DNAJC10: variants seen among roughly 807,000 people sequenced by gnomAD.
DNAJC10 encodes the protein endoplasmic reticulum disulfide reductase DNAJC10.
A neutral mutation model predicts 115.0 loss-of-function variants in DNAJC10; 101 were observed. That is an observed-to-expected ratio of 0.88 (90% CI 0.75 to 1.04). The LOEUF (loss-of-function observed/expected upper bound fraction) is 1.04, where lower values mean the gene tolerates loss of function less well. Among genes scored for constraint, DNAJC10 ranks in the 50% least tolerant of loss-of-function variants. DNAJC10 has a pLI of 0.00. For synonymous variants in DNAJC10, 307 were observed against 301.5 expected, an observed-to-expected ratio of 1.02 and a Z score of -0.19; for missense variants, 981 against 928.8, an observed-to-expected ratio of 1.06 and a Z score of -0.73.
intron 22 of DNAJC10, among the ~76,000 whole-genome samples, chr2:182,770,918 C>T (rs1475081650): frequency 6.6e-6 from 1 of 152,164 alleles, no homozygotes; most frequent in Non-Finnish European, 1.5e-5. Context: ...AGTCTTTGCC[C>T]ATTCAGTATA....
At chr2:182,774,252 G>A (rs1433919940) in intron 22 of DNAJC10, among the ~76,000 whole-genome samples, 1 of 152,202 alleles carries the variant, frequency 6.6e-6, no homozygotes, top group African/African-American at 2.4e-5. Flanking sequence ...CCTATATGAG[G>A]TGTCTGTCGG....
chr2:182,718,252 A>C lies in DNAJC10; in HGVS notation c.166A>C (p.Lys56Gln), dbSNP rs1473868876. 3 of 1,611,760 alleles carry C rather than the reference A, an allele frequency of 1.9e-6. No homozygotes were observed. The highest frequency in any genetic ancestry group is 2.5e-6 in the Non-Finnish European group (3 of 1,179,424). Residue 56 changes from lysine (K) to glutamine (Q), a missense_variant, in exon 3 of 24, where the codon AAG (lysine) becomes CAG (glutamine). Physicochemically the swap from Lys to Gln is moderately conservative, Grantham distance 53. Coordinates refer to ENST00000264065, the MANE Select transcript of DNAJC10 (RefSeq NM_018981.4). ...ASSREIRQAF[K>Q]KLALKLHPDK... Reference sequence around the variant, plus strand: ...CAGTAGAGAAATAAGACAAGCTTTCAAGAAATTGGCATTGAAGTTACATCC... The same window carrying C: ...CAGTAGAGAAATAAGACAAGCTTTCCAGAAATTGGCATTGAAGTTACATCC...
chr2:182,733,904 G>A (rs887540358), intron 10 of DNAJC10, among the ~76,000 whole-genome samples: 4 of 151,166 alleles, frequency 2.6e-5, no homozygotes, highest in African/African-American at 9.7e-5. Context: ...TAAATGTATT[G>A]CTATAAAATT....
At chr2:182,753,480 T>C (rs1694075643) in intron 16 of DNAJC10, among the ~76,000 whole-genome samples, 1 of 152,046 alleles carries the variant, frequency 6.6e-6, no homozygotes, top group Non-Finnish European at 1.5e-5. Context: ...GGCCTTTGGT[T>C]TTGAATGTTT....
chr2:182,719,317 G>A (rs574468201), intron 3 of DNAJC10, among the ~76,000 whole-genome samples: 13 of 135,864 alleles, frequency 9.6e-5, no homozygotes, highest in African/African-American at 3.7e-4. Context: ...GTGCAGTGAC[G>A]CCAGCGGCTT....
At position 182,792,213 on chromosome 2, in the gene DNAJC10, T is replaced by A. The variant is rs1695064064; in HGVS notation, c.*15081T>A. On this transcript the variant is annotated 3_prime_UTR_variant, in exon 24 of 24. Coordinates refer to ENST00000264065, the MANE Select transcript of DNAJC10 (RefSeq NM_018981.4). ...ATACCATCAGTGAACAATTATTTTT[T>A]TATCTCCATGCTATAATCTTGCACA... 6.6e-6 allele frequency: 1 copy of A among 152,220 alleles called. No homozygotes were observed. The highest frequency in any genetic ancestry group is 2.4e-5 in the African/African-American group (1 of 41,476). The allele number at this position is 152,220 out of a possible 1,614,324, so 9.4% of individuals were successfully genotyped here. A position where few individuals can be genotyped will look rare whatever the true frequency, so the allele number is the denominator to read the frequency against.
chr2:182,757,806 AATAAAGCTT>A lies in DNAJC10; in HGVS notation c.1927_1935del (p.Lys643_Tyr645del), dbSNP rs1694195310. The A allele has an allele frequency of 6.6e-7, 1 of 1,515,680 alleles. No homozygotes were observed. Among genetic ancestry groups the A allele is most frequent in the Admixed American group, 1.7e-5 (1 of 57,972 alleles). The allele number at this position is 1,515,680 out of a possible 1,614,324, so 93.9% of individuals were successfully genotyped here. The stretch of plus-strand genomic sequence containing the variant: ...GATAAGATTTTTTCCCCCAAAATCA[AATAAAGCTT>A]ATCATTATCAGTAAGTATTCTCTCA... On this transcript the variant is annotated inframe_deletion, in exon 19 of 24. Transcript: ENST00000264065.
chr2:182,743,782 T>C (rs1221177247), intron 14 of DNAJC10, 70 bp downstream of exon 14: 3 of 1,108,276 alleles, frequency 2.7e-6, no homozygotes, highest in Non-Finnish European at 4.0e-6. Context: ...TAATTGTGCT[T>C]TTTAAACTTA....
At position 182,780,384 on chromosome 2, in the gene DNAJC10, TC is replaced by T. The variant is rs1694817940; in HGVS notation, c.*3254del. 6.6e-6 allele frequency: 1 copy of T among 152,236 alleles called. No homozygotes were observed. The highest frequency in any genetic ancestry group is 1.5e-5 in the Non-Finnish European group (1 of 68,120). 9.4% of individuals were successfully genotyped at this position (152,236 alleles called of 1,614,324 possible). On this transcript the variant is annotated 3_prime_UTR_variant, in exon 24 of 24. Transcript: ENST00000264065. ...CACCACCACCTCCTCTCTTTCTCGCTCCTTCTCTGTGTGACATGCCTTCTCC... is the reference window on the plus strand; with the variant it reads ...CACCACCACCTCCTCTCTTTCTCGCTCTTCTCTGTGTGACATGCCTTCTCC...
At chr2:182,729,613 C>T (rs903232178) in intron 7 of DNAJC10, among the ~76,000 whole-genome samples, 14 of 139,106 alleles carry the variant, frequency 1.0e-4, no homozygotes, top group African/African-American at 3.7e-4. Flanking sequence ...TATCTTTTTT[C>T]TTAGTTTCCA....
intron 18 of DNAJC10, among the ~76,000 whole-genome samples, chr2:182,757,049 A>G (rs1694175152): frequency 6.6e-6 from 1 of 152,200 alleles, no homozygotes; most frequent in Non-Finnish European, 1.5e-5. Context: ...GTTTAAAAAT[A>G]TCATTTCCTG....
intron 14 of DNAJC10, among the ~76,000 whole-genome samples, chr2:182,746,554 G>GTA: frequency 6.6e-6 from 1 of 152,020 alleles, no homozygotes; most frequent in Non-Finnish European, 1.5e-5. Flanking sequence ...GTCTGTTCAT[G>GTA]TCCTTCGCCC....
At position 182,790,740 on chromosome 2, in the gene DNAJC10, G is replaced by A. The variant is rs956731021; in HGVS notation, c.*13608G>A. 1 of 150,662 alleles carries A rather than the reference G, an allele frequency of 6.6e-6. No individual in the cohort carries two copies. The highest frequency in any genetic ancestry group is 1.5e-5 in the Non-Finnish European group (1 of 67,942). The allele number at this position is 150,662 out of a possible 1,614,324, so 9.3% of individuals were successfully genotyped here. A position where few individuals can be genotyped will look rare whatever the true frequency, so the allele number is the denominator to read the frequency against. On this transcript the variant is annotated 3_prime_UTR_variant, in exon 24 of 24. Transcript: ENST00000264065. Reference sequence around the variant, plus strand: ...GGAGGCAGAGGTTACAGTGAGCTGAGGTCACGTCACTGTACTCCAGCCTGG... The same window carrying A: ...GGAGGCAGAGGTTACAGTGAGCTGAAGTCACGTCACTGTACTCCAGCCTGG...
At chr2:182,755,916 A>G (rs1378100181) in intron 17 of DNAJC10, among the ~76,000 whole-genome samples, 2 of 152,212 alleles carry the variant, frequency 1.3e-5, no homozygotes, top group Non-Finnish European at 2.9e-5. Context: ...ATAAAGGATA[A>G]ATAGACCTTG....
At chr2:182,776,884 A>G (rs1177481494) in intron 23 of DNAJC10, among the ~76,000 whole-genome samples, 1 of 152,232 alleles carries the variant, frequency 6.6e-6, no homozygotes, top group Non-Finnish European at 1.5e-5. Flanking sequence ...AATATGCTTG[A>G]AATTATGTAA....
chr2:182,766,212 A>G (rs1402773498), intron 22 of DNAJC10, among the ~76,000 whole-genome samples: 1 of 152,198 alleles, frequency 6.6e-6, no homozygotes. Flanking sequence ...GATGAAAAAA[A>G]TCATGATCAG....
chr2:182,740,088 A>C, intron 11 of DNAJC10: 2 of 1,059,516 alleles, frequency 1.9e-6, no homozygotes, highest in African/African-American at 1.9e-5. Flanking sequence ...ATTGTATATC[A>C]CTATTTAAGA....
chr2:182,745,112 A>G (rs1559010443), intron 14 of DNAJC10, among the ~76,000 whole-genome samples: 1 of 152,162 alleles, frequency 6.6e-6, no homozygotes, highest in Non-Finnish European at 1.5e-5. Flanking sequence ...TTCTTATAGC[A>G]TAAGCGTCAG....
rs1693107979 is a variant in DNAJC10 at position 182,720,016 on chromosome 2, A to G, written c.214A>G (p.Asn72Asp). 3 of 1,545,012 alleles carry G rather than the reference A, an allele frequency of 1.9e-6. No homozygotes were observed. The highest frequency in any genetic ancestry group is 2.7e-6 in the Non-Finnish European group (3 of 1,126,904). ...LHPDKNPNNP[N>D]AHGDFLKINR... The stretch of plus-strand genomic sequence containing the variant: ...TAATATTTTTTAACAGAATAACCCA[A>G]ATGCACATGGCGATTTTTTAAAAAT... Residue 72 changes from asparagine (N) to aspartate (D), a missense_variant, in exon 4 of 24, where the codon AAT becomes GAT. Physicochemically the swap from Asn to Asp is conservative, Grantham distance 23. Coordinates refer to ENST00000264065, the MANE Select transcript of DNAJC10 (RefSeq NM_018981.4).
Sources: allele counts gnomAD v4.1 joint callset (sites outside exome capture counted in the v4.1 genomes callset), GRCh38; gene constraint gnomAD v4.1.1; transcripts MANE v1.5; gene names NCBI Gene and HGNC (gene_info 2026-07-23, HGNC 2026-07-21).